The following ATF7 variants were observed in gnomAD, a reference collection of about 807,000 sequenced individuals.
ATF7 encodes activating transcription factor 7, also known as cyclic AMP-dependent transcription factor ATF-7.
Under a neutral mutation model 50.4 loss-of-function variants are expected in ATF7, and 10 were observed. The observed-to-expected ratio is 0.20, with a 90% CI of 0.12 to 0.34. The LOEUF (loss-of-function observed/expected upper bound fraction) is 0.34, where lower values mean the gene tolerates loss of function less well. Among genes scored for constraint, ATF7 ranks in the 10% least tolerant of loss-of-function variants. ATF7 has a pLI of 1.00. For missense variants in ATF7, 465 were observed against 613.9 expected, an observed-to-expected ratio of 0.76 and a Z score of 2.56; for synonymous variants, 201 against 226.4, an observed-to-expected ratio of 0.89 and a Z score of 1.01.
rs1351491828 is a variant in ATF7 at position 53,516,061 on chromosome 12, AAGAG to A, written c.*1072_*1075del. ...AGGGCTGAGTCTGAAGTAGTTACAGAAGAGAGACAGGGGCGGTAATGTTGATAGG... is the reference window on the plus strand; with the variant it reads ...AGGGCTGAGTCTGAAGTAGTTACAGAAGACAGGGGCGGTAATGTTGATAGG... On this transcript the variant is annotated 3_prime_UTR_variant, in exon 12 of 12. Transcript: ENST00000420353. 2 of 152,208 alleles carry A rather than the reference AAGAG, an allele frequency of 1.3e-5. No individual in the cohort carries two copies. Among genetic ancestry groups the A allele is most frequent in the Non-Finnish European group, 2.9e-5 (2 of 68,042 alleles). The allele number at this position is 152,208 out of a possible 1,614,324, so 9.4% of individuals were successfully genotyped here. A position where few individuals can be genotyped will look rare whatever the true frequency, so the allele number is the denominator to read the frequency against.
intron 1 of ATF7, among the ~76,000 whole-genome samples, chr12:53,609,968 C>T (rs1347162419): frequency 6.6e-6 from 1 of 151,700 alleles, no homozygotes; most frequent in Non-Finnish European, 1.5e-5. Context: ...AGGCACGCAC[C>T]ACCACGCCCG....
chr12:53,542,868 CA>C, intron 4 of ATF7: 1 of 977,332 alleles, frequency 1.0e-6, no homozygotes, highest in Non-Finnish European at 1.2e-6. Context: ...GCAAAAACCA[CA>C]TATATTGAAA....
At chr12:53,623,900 T>C (rs776002108) in intron 1 of ATF7, among the ~76,000 whole-genome samples, 1 of 152,226 alleles carries the variant, frequency 6.6e-6, no homozygotes, top group African/African-American at 2.4e-5. Context: ...AGTAGAGCTA[T>C]TAACATTTTA....
intron 9 of ATF7, among the ~76,000 whole-genome samples, chr12:53,529,011 G>A (rs1045422095): frequency 6.6e-6 from 1 of 151,934 alleles, no homozygotes; most frequent in Non-Finnish European, 1.5e-5. Context: ...AGGCTGAGGC[G>A]GGAGGACTGC....
intron 2 of ATF7, among the ~76,000 whole-genome samples, chr12:53,587,898 G>C (rs1175525390): frequency 7.1e-6 from 1 of 141,110 alleles, no homozygotes; most frequent in African/African-American, 2.6e-5. Context: ...CCAGGCTGGA[G>C]TGCAATGGCA....
rs369327954 is a variant in ATF7 at position 53,517,183 on chromosome 12, T to G, written c.1406A>C (p.Gln469Pro). The change falls in exon 12 of 12, where the codon CAA becomes CCA. Residue 469 changes from glutamine to proline, a missense_variant. By Grantham distance (76) the Gln-to-Pro change is moderately conservative. Transcript: ENST00000420353. ...SQRTELSMPI[Q>P]SHVIMTPQSQ... ...CTGTGGGGTCATGATTACATGCGATTGTATCGGCATGCTCAGTTCTGTCCT... is the reference window on the plus strand; with the variant it reads ...CTGTGGGGTCATGATTACATGCGATGGTATCGGCATGCTCAGTTCTGTCCT... The G allele has an allele frequency of 2.8e-5, 45 of 1,613,798 alleles. No homozygotes were observed. The highest frequency in any genetic ancestry group is 1.6e-4 in the Middle Eastern group (1 of 6,084).
At chr12:53,541,533 T>C (rs902938302) in intron 4 of ATF7, among the ~76,000 whole-genome samples, 2 of 152,196 alleles carry the variant, frequency 1.3e-5, no homozygotes, top group East Asian at 3.8e-4. Flanking sequence ...AAGTATTTCC[T>C]CTCGTCTTCC....
intron 3 of ATF7, among the ~76,000 whole-genome samples, chr12:53,549,515 T>C (rs1407971616): frequency 6.6e-6 from 1 of 152,088 alleles, no homozygotes; most frequent in Non-Finnish European, 1.5e-5. Flanking sequence ...GCGACTCTCC[T>C]GCTTCAGCCT....
At chr12:53,620,233 G>A (rs1336807321) in intron 1 of ATF7, among the ~76,000 whole-genome samples, 1 of 152,002 alleles carries the variant, frequency 6.6e-6, no homozygotes, top group Non-Finnish European at 1.5e-5. Flanking sequence ...GAGGTCAGGA[G>A]TTCAAGACCA....
intron 2 of ATF7, among the ~76,000 whole-genome samples, chr12:53,573,271 T>C (rs374312650): frequency 7.9e-5 from 12 of 152,160 alleles, no homozygotes; most frequent in African/African-American, 2.7e-4. Flanking sequence ...AAACATAGTA[T>C]GGTCATCCCT....
intron 11 of ATF7, among the ~76,000 whole-genome samples, chr12:53,520,957 T>C (rs1437013923): frequency 6.6e-6 from 1 of 152,064 alleles, no homozygotes. Flanking sequence ...TCTGCCCTTG[T>C]ACCCCTGATG....
rs991138773 is a variant in ATF7, at chr12:53,513,497, AACATT to A, written c.*3635_*3639del. On this transcript the variant is annotated 3_prime_UTR_variant, in exon 12 of 12. Coordinates refer to ENST00000420353, the MANE Select transcript of ATF7 (RefSeq NM_006856.3). Reference sequence around the variant, plus strand: ...CTTCCAGACACCCCCACCCCCGTCAAACATTAAGTCTAAAGAAAGCAGAAAGAGCA... The same window carrying A: ...CTTCCAGACACCCCCACCCCCGTCAAAAGTCTAAAGAAAGCAGAAAGAGCA... 7.2e-5 allele frequency: 11 copies of A among 152,140 alleles called. No individual in the cohort carries two copies. Among genetic ancestry groups the A allele is most frequent in the Admixed American group, 5.9e-4 (9 of 15,274 alleles). The allele number at this position is 152,140 out of a possible 1,614,324, so 9.4% of individuals were successfully genotyped here.
rs1939673138 is a variant in ATF7 at position 53,543,088 on chromosome 12, C to T, written c.264+242G>A. 21 of 1,388,988 alleles carry T rather than the reference C, an allele frequency of 1.5e-5. No individual in the cohort carries two copies. In the South Asian group the frequency reaches 2.7e-4, roughly 18 times the overall value. 86.0% of individuals were successfully genotyped at this position (1,388,988 alleles called of 1,614,324 possible). ...AAAAACCGATTATTAAACTAATACT[C>T]CCCTGGAAGAACAAGAGGACTAATT... is the stretch of plus-strand genomic sequence containing the variant. On this transcript the variant is annotated intron_variant, in intron 4 of 11. Transcript: ENST00000420353.
intron 2 of ATF7, among the ~76,000 whole-genome samples, chr12:53,566,271 C>T (rs1176092104): frequency 6.6e-6 from 1 of 152,138 alleles, no homozygotes; most frequent in Non-Finnish European, 1.5e-5. Flanking sequence ...AACTGGATTG[C>T]TCAGGAGAAG....
intron 1 of ATF7, among the ~76,000 whole-genome samples, chr12:53,623,031 C>A (rs774979513): frequency 1.3e-5 from 2 of 152,088 alleles, no homozygotes; most frequent in Non-Finnish European, 2.9e-5. Context: ...AGAATGAAAG[C>A]GATAAGTGTC....
At chr12:53,611,495 T>C (rs1943879541) in intron 1 of ATF7, among the ~76,000 whole-genome samples, 1 of 152,074 alleles carries the variant, frequency 6.6e-6, no homozygotes, top group South Asian at 2.1e-4. Context: ...CCAGTAATAG[T>C]ATATATGATG....
At chr12:53,611,551 T>A (rs965650221) in intron 1 of ATF7, among the ~76,000 whole-genome samples, 11 of 152,194 alleles carry the variant, frequency 7.2e-5, no homozygotes, top group Non-Finnish European at 1.6e-4. Context: ...CTATCACCTA[T>A]TTTTATATGG....
At chr12:53,591,578 A>G (rs1942939365) in intron 2 of ATF7, among the ~76,000 whole-genome samples, 2 of 152,200 alleles carry the variant, frequency 1.3e-5, no homozygotes, top group Admixed American at 1.3e-4. Context: ...GTGGCTAAGG[A>G]ATCAGAGCTT....
intron 2 of ATF7, 118 bp downstream of exon 2, chr12:53,600,835 G>A: frequency 2.1e-6 from 2 of 975,450 alleles, no homozygotes; most frequent in Non-Finnish European, 3.1e-6. Flanking sequence ...CAAATCCTCT[G>A]ATCTGATTAC....
Sources: gnomAD v4.1 joint callset for allele counts (sites outside exome capture counted in the v4.1 genomes callset) on GRCh38, gnomAD v4.1.1 for gene constraint, MANE v1.5 for transcripts, NCBI Gene and HGNC (gene_info 2026-07-23, HGNC 2026-07-21) for gene names.